ANO10: variants seen among roughly 807,000 people sequenced by gnomAD.
ANO10 encodes anoctamin-10.
A neutral mutation model predicts 74.7 loss-of-function variants in ANO10; 77 were observed. The observed-to-expected ratio is 1.03, with a 90% confidence interval of 0.86 to 1.25. The LOEUF (loss-of-function observed/expected upper bound fraction) is 1.25. ANO10 is among the 50% of genes most tolerant of loss of function. The pLI is 0.00. For synonymous variants in ANO10, 279 were observed against 284.9 expected, an observed-to-expected ratio of 0.98 and a Z score of 0.21; for missense variants, 721 against 778.1, an observed-to-expected ratio of 0.93 and a Z score of 0.87.
At chr3:43,610,919 C>G (rs1314921803) in intron 1 of ANO10, among the ~76,000 whole-genome samples, 1 of 152,068 alleles carries the variant, frequency 6.6e-6, no homozygotes, top group East Asian at 1.9e-4. Flanking sequence ...CCAAAAGAAC[C>G]TGCATTTTTA....
rs2092040717 is a variant in ANO10, at chr3:43,383,820, T to C, written c.1915-16846A>G. On this transcript the variant is annotated intron_variant, in intron 12 of 12. Coordinates refer to ENST00000292246, the MANE Select transcript of ANO10 (RefSeq NM_018075.5). The stretch of plus-strand genomic sequence containing the variant: ...CCATGACAAACCACAGCCAACATTT[T>C]ACTGAAAAGGGAAAAGTTGAAGGCA... Among the ~76,000 whole-genome samples, 4 of 152,174 alleles carry C rather than the reference T, an allele frequency of 2.6e-5. No homozygotes were observed. In the South Asian group the frequency reaches 8.3e-4, roughly 32 times the overall value.
At chr3:43,608,928 AAC>A (rs1482161586) in intron 1 of ANO10, among the ~76,000 whole-genome samples, 2 of 152,176 alleles carry the variant, frequency 1.3e-5, no homozygotes, top group Non-Finnish European at 2.9e-5. Context: ...TGGCATCTGG[AAC>A]ATAGCAATCT....
At chr3:43,689,945 C>G (rs2084330962) in intron 1 of ANO10, among the ~76,000 whole-genome samples, 1 of 152,024 alleles carries the variant, frequency 6.6e-6, no homozygotes, top group Non-Finnish European at 1.5e-5. Flanking sequence ...TAGTGGGTGG[C>G]AGAATTCCAA....
At chr3:43,398,009 T>G (rs2092413841) in intron 12 of ANO10, among the ~76,000 whole-genome samples, 1 of 152,358 alleles carries the variant, frequency 6.6e-6, no homozygotes, top group South Asian at 2.1e-4. Context: ...CTTCATTTAC[T>G]TTTGATCTTC....
chr3:43,618,225 T>C (rs931581845), intron 1 of ANO10: 1 of 152,324 alleles, frequency 6.6e-6, no homozygotes, highest in Non-Finnish European at 1.5e-5. Context: ...GGGAACTCCA[T>C]GCCCTTAAGA....
At chr3:43,685,021 T>C (rs933449085) in intron 1 of ANO10, among the ~76,000 whole-genome samples, 1 of 152,202 alleles carries the variant, frequency 6.6e-6, no homozygotes, top group East Asian at 1.9e-4. Context: ...ACATGGCACA[T>C]GTATACATAT....
intron 12 of ANO10, among the ~76,000 whole-genome samples, chr3:43,374,654 C>T (rs149505416): frequency 6.6e-6 from 1 of 152,150 alleles, no homozygotes; most frequent in African/African-American, 2.4e-5. Context: ...TGAGATCTTG[C>T]GAGTATCTCT....
chr3:43,619,932 C>T (rs540949910), intron 1 of ANO10, among the ~76,000 whole-genome samples: 42 of 149,966 alleles, frequency 2.8e-4, no homozygotes, highest in South Asian at 2.1e-4. Context: ...CACATACACA[C>T]AAAAACTCAT....
intron 10 of ANO10, 149 bp downstream of exon 10, chr3:43,555,129 T>C: frequency 1.3e-6 from 1 of 783,330 alleles, no homozygotes; most frequent in Non-Finnish European, 2.1e-6. Context: ...TTAATGGTTA[T>C]CCAAGGCCAC....
chr3:43,534,210 C>G (rs1007367477), intron 11 of ANO10, among the ~76,000 whole-genome samples: 8 of 152,188 alleles, frequency 5.3e-5, no homozygotes, highest in African/African-American at 1.9e-4. Context: ...CTAGTTTGCA[C>G]ATGCTGTCAG....
intron 12 of ANO10, among the ~76,000 whole-genome samples, chr3:43,383,151 C>CATAT (rs1379452004): frequency 6.6e-6 from 1 of 152,112 alleles, no homozygotes; most frequent in Admixed American, 6.5e-5. Flanking sequence ...AATACAACAG[C>CATAT]ATATCAAAAA....
At chr3:43,673,666 A>G (rs1056146523) in intron 1 of ANO10, among the ~76,000 whole-genome samples, 1 of 152,228 alleles carries the variant, frequency 6.6e-6, no homozygotes, top group Non-Finnish European at 1.5e-5. Flanking sequence ...GAGTAGAAAA[A>G]TATCTTTTTT....
At chr3:43,612,225 A>G (rs952648875) in intron 1 of ANO10, among the ~76,000 whole-genome samples, 2 of 133,610 alleles carry the variant, frequency 1.5e-5, no homozygotes, top group Admixed American at 8.0e-5. Context: ...TTCTTTCTGT[A>G]TTATTTCTCC....
At chr3:43,600,766 A>G (rs1340732140) in intron 2 of ANO10, among the ~76,000 whole-genome samples, 185 bp from the exon 3 acceptor site, 1 of 152,202 alleles carries the variant, frequency 6.6e-6, no homozygotes, top group African/African-American at 2.4e-5. Flanking sequence ...TAGTTTTTCA[A>G]TAAATGGAAA....
At chr3:43,630,732 A>G (rs528186018) in intron 1 of ANO10, among the ~76,000 whole-genome samples, 2 of 152,338 alleles carry the variant, frequency 1.3e-5, no homozygotes, top group East Asian at 1.9e-4. Context: ...TGTGACCTCC[A>G]TATTTAAAAT....
intron 12 of ANO10, among the ~76,000 whole-genome samples, chr3:43,375,033 A>G (rs2091747881): frequency 6.6e-6 from 1 of 151,870 alleles, no homozygotes; most frequent in South Asian, 2.1e-4. Flanking sequence ...AGGCAGGAGA[A>G]CCACATGAAC....
intron 12 of ANO10, among the ~76,000 whole-genome samples, chr3:43,384,781 A>C (rs1235141987): frequency 6.6e-6 from 1 of 152,242 alleles, no homozygotes; most frequent in African/African-American, 2.4e-5. Context: ...AAGATTAATC[A>C]AAGACTTAAA....
At position 43,656,939 on chromosome 3, in the gene ANO10, C is replaced by T. The variant is rs12629235; in HGVS notation, c.-12+34578G>A. On this transcript the variant is annotated intron_variant, in intron 1 of 3. Transcript: ENST00000413397. ...AAAGTGGGAGCCCAGGCAGAGGAGG[C>T]GCTGAGAGCGAGCAAGGGCTGTGAG... Among the ~76,000 whole-genome samples, 193 of 152,380 alleles carry T rather than the reference C, an allele frequency of 1.3e-3. 2 individuals are homozygous for T. In the East Asian group the frequency reaches 0.033, roughly 26 times the overall value.
intron 11 of ANO10, among the ~76,000 whole-genome samples, chr3:43,497,463 A>G (rs1215175627): frequency 6.6e-6 from 1 of 152,174 alleles, no homozygotes; most frequent in East Asian, 1.9e-4. Flanking sequence ...AGCAGCACAC[A>G]CTTTCTGCTC....
Sources: gnomAD v4.1 joint callset for allele counts (sites outside exome capture counted in the v4.1 genomes callset) on GRCh38, gnomAD v4.1.1 for gene constraint, MANE v1.5 for transcripts, NCBI Gene and HGNC (gene_info 2026-07-23, HGNC 2026-07-21) for gene names.